ZDHHC14: variants seen among roughly 807,000 people sequenced by gnomAD.
ZDHHC14 encodes the protein palmitoyltransferase ZDHHC14.
A neutral mutation model predicts 47.7 loss-of-function variants in ZDHHC14; 16 were observed. That is an observed-to-expected ratio of 0.34 (90% CI 0.23 to 0.51). The LOEUF is 0.51. Among genes scored for constraint, ZDHHC14 ranks in the 20% least tolerant of loss-of-function variants. The pLI, the probability that ZDHHC14 is intolerant of heterozygous loss-of-function variation, is 0.97. For missense variants in ZDHHC14, 515 were observed against 662.5 expected (o/e 0.78, Z 2.44); for synonymous variants, 293 against 278.9 (o/e 1.05, Z -0.50).
chr6:157,660,601 AT>A (rs1778308035), intron 8 of ZDHHC14, among the ~76,000 whole-genome samples: 1 of 152,174 alleles, frequency 6.6e-6, no homozygotes, highest in Non-Finnish European at 1.5e-5. Context: ...GGGATAATTT[AT>A]TACAATCTGT....
intron 4 of ZDHHC14, chr6:157,630,178 C>T (rs1785619124): frequency 6.6e-6 from 1 of 152,090 alleles, no homozygotes; most frequent in South Asian, 2.1e-4. Flanking sequence ...TAGGGTTTCA[C>T]CATCTTGGCC....
chr6:157,494,180 A>C (rs1427647957), intron 1 of ZDHHC14, among the ~76,000 whole-genome samples: 2 of 152,232 alleles, frequency 1.3e-5, no homozygotes, highest in African/African-American at 4.8e-5. Flanking sequence ...AGTTCCCTTT[A>C]AAGTCCCTAC....
At chr6:157,540,062 G>A (rs764560507) in intron 1 of ZDHHC14, among the ~76,000 whole-genome samples, 7 of 152,190 alleles carry the variant, frequency 4.6e-5, no homozygotes, top group Non-Finnish European at 5.9e-5. Context: ...AGCCCACTAC[G>A]CAGTTAGAGA....
chr6:157,614,655 C>T (rs1014198134), intron 3 of ZDHHC14, among the ~76,000 whole-genome samples: 3 of 152,144 alleles, frequency 2.0e-5, no homozygotes, highest in African/African-American at 4.8e-5. Context: ...ATTCCCAGGC[C>T]GTAACACTAT....
intron 5 of ZDHHC14, among the ~76,000 whole-genome samples, chr6:157,636,456 G>T (rs1297374683): frequency 6.6e-6 from 1 of 151,954 alleles, no homozygotes; most frequent in African/African-American, 2.4e-5. Flanking sequence ...GGGATACCCC[G>T]AAGGCCCTTG....
chr6:157,530,790 C>CT (rs2114782520), intron 1 of ZDHHC14, among the ~76,000 whole-genome samples: 1 of 152,274 alleles, frequency 6.6e-6, no homozygotes, highest in African/African-American at 2.4e-5. Context: ...GGTGAAATAG[C>CT]TTAGCCTTCT....
rs187318902 is a variant in ZDHHC14 at position 157,667,165 on chromosome 6, G to A, written c.1069-5559G>A. Among the ~76,000 whole-genome samples, 407 of 152,342 alleles carry A rather than the reference G, an allele frequency of 2.7e-3. 2 individuals carry two copies. The highest frequency in any genetic ancestry group is 4.0e-3 in the Non-Finnish European group (269 of 68,028). On this transcript the variant is annotated intron_variant, in intron 8 of 8. Coordinates refer to ENST00000359775, the MANE Select transcript of ZDHHC14 (RefSeq NM_024630.3). Reference sequence around the variant, plus strand: ...AAAGGTTGTTTTGGAATAAAAACATGAGTATCTCAGTTTTCTGTTCAGAGT... The same window carrying A: ...AAAGGTTGTTTTGGAATAAAAACATAAGTATCTCAGTTTTCTGTTCAGAGT...
At chr6:157,402,399 C>A (rs1562411411) in intron 1 of ZDHHC14, among the ~76,000 whole-genome samples, 1 of 151,902 alleles carries the variant, frequency 6.6e-6, no homozygotes. Context: ...AAGGTCGCAG[C>A]GGGAGTAGTG....
intron 2 of ZDHHC14, among the ~76,000 whole-genome samples, chr6:157,567,151 C>G (rs1479190530): frequency 6.6e-6 from 1 of 152,072 alleles, no homozygotes; most frequent in African/African-American, 2.4e-5. Flanking sequence ...CATGCCTGGC[C>G]TAACAAGGGG....
intron 8 of ZDHHC14, 107 bp downstream of exon 8, chr6:157,653,734 A>T: frequency 9.2e-7 from 1 of 1,089,962 alleles, no homozygotes; most frequent in Non-Finnish European, 1.3e-6. Context: ...GAGCGGGGGC[A>T]GCCCACAGCC....
At chr6:157,625,142 G>A (rs1256489452) in intron 3 of ZDHHC14, among the ~76,000 whole-genome samples, 1 of 152,088 alleles carries the variant, frequency 6.6e-6, no homozygotes, top group Non-Finnish European at 1.5e-5. Context: ...TTGCACTGGG[G>A]ACTAAGTTTC....
chr6:157,615,139 G>A (rs1432555024), intron 3 of ZDHHC14, among the ~76,000 whole-genome samples: 8 of 152,108 alleles, frequency 5.3e-5, no homozygotes, highest in Admixed American at 6.5e-5. Context: ...TTCCATAGCC[G>A]GTCCTAACTG....
At chr6:157,426,053 G>T (rs1026427391) in intron 1 of ZDHHC14, among the ~76,000 whole-genome samples, 3 of 152,256 alleles carry the variant, frequency 2.0e-5, no homozygotes, top group Admixed American at 6.5e-5. Flanking sequence ...AGGCAGATGG[G>T]GTCAGAGTGT....
At chr6:157,587,681 G>A (rs1363817432) in intron 2 of ZDHHC14, among the ~76,000 whole-genome samples, 1 of 152,086 alleles carries the variant, frequency 6.6e-6, no homozygotes, top group Non-Finnish European at 1.5e-5. Flanking sequence ...GCTCTCCCTC[G>A]AACCTGGAAC....
At chr6:157,536,015 T>A (rs1781534893) in intron 1 of ZDHHC14, among the ~76,000 whole-genome samples, 1 of 151,354 alleles carries the variant, frequency 6.6e-6, no homozygotes, top group Non-Finnish European at 1.5e-5. Context: ...AAACCTCCAT[T>A]TCTCACAATG....
chr6:157,606,614 C>A (rs1327077391), intron 3 of ZDHHC14, among the ~76,000 whole-genome samples: 1 of 152,238 alleles, frequency 6.6e-6, no homozygotes, highest in Non-Finnish European at 1.5e-5. Flanking sequence ...AGAATGAGTT[C>A]ACCAAGAAGC....
chr6:157,450,268 G>A (rs1247345692), intron 1 of ZDHHC14, among the ~76,000 whole-genome samples: 2 of 151,866 alleles, frequency 1.3e-5, no homozygotes, highest in Non-Finnish European at 2.9e-5. Flanking sequence ...GTAACACCTT[G>A]GGTAAATAGT....
chr6:157,482,867 C>T lies in ZDHHC14; in HGVS notation c.246-59718C>T, dbSNP rs139017991. Among the ~76,000 whole-genome samples, 919 of 151,874 alleles carry T rather than the reference C, an allele frequency of 6.1e-3. 10 individuals are homozygous for T. The highest frequency in any genetic ancestry group is 0.021 in the African/African-American group (849 of 41,392). On this transcript the variant is annotated intron_variant, in intron 1 of 8. Transcript: ENST00000359775. ...AAGTGATTCTCCTGCCTCAGCCTCC[C>T]GAGTAGCTGGGATTACAGGCATGCT...
intron 2 of ZDHHC14, among the ~76,000 whole-genome samples, chr6:157,567,028 T>C (rs1403857743): frequency 1.3e-5 from 2 of 151,928 alleles, no homozygotes; most frequent in African/African-American, 2.4e-5. Context: ...TTTTTGTATT[T>C]TTAGTAGAGA....
Sources: allele counts gnomAD v4.1 joint callset (sites outside exome capture counted in the v4.1 genomes callset), GRCh38; gene constraint gnomAD v4.1.1; transcripts MANE v1.5; gene names NCBI Gene and HGNC (gene_info 2026-07-23, HGNC 2026-07-21).